SLC37A1: variants seen among roughly 807,000 people sequenced by gnomAD.
SLC37A1 encodes the protein solute carrier family 37 member 1, also known as glucose-6-phosphate exchanger SLC37A1.
In SLC37A1, 49 loss-of-function variants were observed where a neutral mutation model predicts 75.3. The observed-to-expected ratio is 0.65, with a 90% CI of 0.52 to 0.83. SLC37A1 has a LOEUF of 0.83. SLC37A1 is among the 40% of genes least tolerant of loss of function. The pLI, the probability that SLC37A1 is intolerant of heterozygous loss-of-function variation, is 0.00. For missense variants in SLC37A1, 566 were observed against 695.0 expected (o/e 0.81, Z 2.09); for synonymous variants, 268 against 292.1 (o/e 0.92, Z 0.84).
rs766734515 is a variant in SLC37A1, at chr21:42,564,692, C to T, written c.1136-16C>T. On this transcript the variant is annotated splice_polypyrimidine_tract_variant and intron_variant, in intron 13 of 19. Coordinates refer to ENST00000352133, the MANE Select transcript of SLC37A1 (RefSeq NM_001320537.2). ...CCCTGGGACGTCAGTGCCTGAAGCC[C>T]GCCTCTCCGTTGCAGGTGGGATCCT... 3.1e-6 allele frequency: 5 copies of T among 1,608,890 alleles called. No individual in the cohort carries two copies. Among genetic ancestry groups the T allele is most frequent in the Middle Eastern group, 1.7e-4 (1 of 6,060 alleles).
chr21:42,559,934 C>T (rs917789316), intron 11 of SLC37A1, among the ~76,000 whole-genome samples: 3 of 151,492 alleles, frequency 2.0e-5, no homozygotes, highest in African/African-American at 7.3e-5. Context: ...TCTGATTGCC[C>T]GTGTGTGTGA....
At chr21:42,533,784 G>A (rs1449474038) in intron 3 of SLC37A1, among the ~76,000 whole-genome samples, 1 of 152,202 alleles carries the variant, frequency 6.6e-6, no homozygotes, top group Non-Finnish European at 1.5e-5. Context: ...CTTGTCTGCA[G>A]AGGGGGAGAC....
rs1481076947 is a variant in SLC37A1 at position 42,565,807 on chromosome 21, T to G, written c.1222-20T>G. Reference sequence around the variant, plus strand: ...CTTGCAGCCAGCCATGGCTTTGACCTTGTGTCTTGATGTCCACAGCTCTAC... The same window carrying G: ...CTTGCAGCCAGCCATGGCTTTGACCGTGTGTCTTGATGTCCACAGCTCTAC... On this transcript the variant is annotated intron_variant, in intron 14 of 19. Coordinates refer to ENST00000352133, the MANE Select transcript of SLC37A1 (RefSeq NM_001320537.2). The G allele has an allele frequency of 6.2e-7, 1 of 1,612,446 alleles. No homozygotes were observed. Among genetic ancestry groups the G allele is most frequent in the African/African-American group, 1.3e-5 (1 of 74,870 alleles).
chr21:42,535,683 C>A, intron 5 of SLC37A1, 133 bp downstream of exon 5: 1 of 755,996 alleles, frequency 1.3e-6, no homozygotes, highest in Non-Finnish European at 2.3e-6. Context: ...CCTGCTGTTC[C>A]CTTCCCAAAG....
At chr21:42,575,959 G>T (rs1034526414) in intron 18 of SLC37A1, 20 of 984,170 alleles carry the variant, frequency 2.0e-5, no homozygotes, top group Middle Eastern at 5.2e-4. Flanking sequence ...ACTGTTCAGA[G>T]AATCTGAAAT....
chr21:42,563,752 G>T, intron 12 of SLC37A1, 63 bp from the exon 13 acceptor site: 1 of 1,510,170 alleles, frequency 6.6e-7, no homozygotes, highest in Non-Finnish European at 9.2e-7. Flanking sequence ...TTCTGCCATG[G>T]TGTGTCGCTG....
chr21:42,560,385 G>A lies in SLC37A1; in HGVS notation c.981+1296G>A, dbSNP rs1221514446. The A allele has an allele frequency of 5.9e-5, 9 of 152,666 alleles. No individual in the cohort carries two copies. The South Asian group carries it at 6.2e-4, about 11-fold the overall frequency. The allele number at this position is 152,666 out of a possible 1,614,324, so 9.5% of individuals were successfully genotyped here. On this transcript the variant is annotated intron_variant, in intron 11 of 19. Transcript: ENST00000352133. ...GCTGTTTGGCGGGGCTGTCCAGGCC[G>A]TGCTCTCCAGCACTGACAGCCACAG...
At chr21:42,568,094 G>A (rs1402661632) in intron 16 of SLC37A1, among the ~76,000 whole-genome samples, 1 of 152,228 alleles carries the variant, frequency 6.6e-6, no homozygotes, top group Non-Finnish European at 1.5e-5. Context: ...GGGAGGAGCA[G>A]GACTGTGCGG....
chr21:42,512,087 A>T (rs78705669), upstream of SLC37A1, among the ~76,000 whole-genome samples: 3 of 152,060 alleles, frequency 2.0e-5, no homozygotes, highest in East Asian at 1.9e-4. Context: ...AAAAAAAAAA[A>T]AATAATGTGA....
At chr21:42,535,641 C>T (rs1437567418) in intron 5 of SLC37A1, 91 bp downstream of exon 5, 9 of 1,157,498 alleles carry the variant, frequency 7.8e-6, no homozygotes, top group South Asian at 3.8e-5. Flanking sequence ...CACAGGCGCG[C>T]GGGATTGAGG....
intron 18 of SLC37A1, among the ~76,000 whole-genome samples, chr21:42,578,892 G>A (rs966293417): frequency 2.6e-5 from 4 of 152,084 alleles, no homozygotes; most frequent in African/African-American, 7.2e-5. Context: ...GTAGCCCCTC[G>A]AGACCCTCCA....
chr21:42,534,561 C>T, intron 3 of SLC37A1, 137 bp from the exon 4 acceptor site: 1 of 1,065,722 alleles, frequency 9.4e-7, no homozygotes, highest in Non-Finnish European at 1.3e-6. Context: ...CGCCTTGTGT[C>T]CCTCTTAGAA....
intron 1 of SLC37A1, 83 bp from the exon 2 acceptor site, chr21:42,518,194 C>T (rs895757816): frequency 2.0e-5 from 10 of 497,044 alleles, no homozygotes; most frequent in African/African-American, 1.6e-4. Context: ...TGCTACTGTA[C>T]GTGTGTGGTT....
In SLC37A1 at chr21:42,514,498, G is replaced by C. The variant is rs1411192767; in HGVS notation, c.-398G>C. 1 of 152,248 alleles carries C rather than the reference G, an allele frequency of 6.6e-6. No individual in the cohort carries two copies. Among genetic ancestry groups the C allele is most frequent in the Non-Finnish European group, 1.5e-5 (1 of 68,056 alleles). The allele number at this position is 152,248 out of a possible 1,614,324, so 9.4% of individuals were successfully genotyped here. A position where few individuals can be genotyped will look rare whatever the true frequency, so the allele number is the denominator to read the frequency against. ...GGGACCAGCCGCCCAGGGAGGAGCC[G>C]GCACAGAACGCTGGCTCGGAGCGCC... On this transcript the variant is annotated 5_prime_UTR_variant, in exon 1 of 20. Coordinates refer to ENST00000352133, the MANE Select transcript of SLC37A1 (RefSeq NM_001320537.2). This position sits in a 1 kb window ranked among gnomAD's most constrained non-coding sequence, Gnocchi z 4.8.
Position 42,573,966 on chromosome 21 carries a change from A to G in SLC37A1, c.1424-852A>G, listed in dbSNP as rs533504060. 6.6e-5 allele frequency among the ~76,000 whole-genome samples: 10 copies of G among 151,870 alleles called. No individual in the cohort carries two copies. The South Asian group carries it at 1.2e-3, about 19-fold the overall frequency. ...TTTCAGACTTTGAGAAAGTTGCAGA[A>G]ATAGTACAAAGAATTCAGACATTTT... On this transcript the variant is annotated intron_variant, in intron 17 of 19. Coordinates refer to ENST00000352133, the MANE Select transcript of SLC37A1 (RefSeq NM_001320537.2).
rs925713502 is a variant in SLC37A1, at chr21:42,579,622, T to C, written c.1522-114T>C. 5.6e-6 allele frequency: 4 copies of C among 719,092 alleles called. No homozygotes were observed. In the African/African-American group the frequency reaches 9.9e-5, roughly 18 times the overall value. The allele number at this position is 719,092 out of a possible 1,614,324, so 44.5% of individuals were successfully genotyped here. A position where few individuals can be genotyped will look rare whatever the true frequency, so the allele number is the denominator to read the frequency against. ...GGAGGCCACCCCAGGGAAGGTGCTGTGGGGAGAGAGCCACCCGCCCAGGCC... is the reference window on the plus strand; with the variant it reads ...GGAGGCCACCCCAGGGAAGGTGCTGCGGGGAGAGAGCCACCCGCCCAGGCC... On this transcript the variant is annotated intron_variant, in intron 18 of 19. Coordinates refer to ENST00000352133, the MANE Select transcript of SLC37A1 (RefSeq NM_001320537.2).
Position 42,579,759 on chromosome 21 carries a change from G to A in SLC37A1, c.1545G>A (p.Lys515=). The change falls in exon 19 of 20, where the codon AAG becomes AAA. Residue 515 remains lysine (K), a synonymous_variant. Transcript: ENST00000352133. ...ALLFLIRLIH[K]ELSCPGSATG... ...AGTTCCTGATCCGCCTCATACACAA[G>A]GAGCTGAGCTGCCCAGGGTCAGCTA... The A allele has an allele frequency of 6.2e-7, 1 of 1,614,176 alleles. No individual in the cohort carries two copies. The highest frequency in any genetic ancestry group is 8.5e-7 in the Non-Finnish European group (1 of 1,180,028).
At chr21:42,533,246 G>A (rs917827226) in intron 3 of SLC37A1, among the ~76,000 whole-genome samples, 3 of 152,110 alleles carry the variant, frequency 2.0e-5, no homozygotes, top group Non-Finnish European at 4.4e-5. Flanking sequence ...ACACCCCTCT[G>A]GTATCACGGG....
At chr21:42,555,060 A>G (rs1480972444) in intron 10 of SLC37A1, among the ~76,000 whole-genome samples, 1 of 143,208 alleles carries the variant, frequency 7.0e-6, no homozygotes, top group African/African-American at 2.6e-5. Flanking sequence ...ATCTCGGCTC[A>G]CTGCAACCTC....
Sources: gnomAD v4.1 joint callset for allele counts (sites outside exome capture counted in the v4.1 genomes callset) on GRCh38, gnomAD v4.1.1 for gene constraint, Gnocchi (gnomAD v3.1) non-coding constraint, MANE v1.5 for transcripts, NCBI Gene and HGNC (gene_info 2026-07-23, HGNC 2026-07-21) for gene names.